The following PCDH9 variants were observed in gnomAD, a reference collection of about 807,000 sequenced individuals.
PCDH9 encodes the protein protocadherin 9.
Under a neutral mutation model 70.6 loss-of-function variants are expected in PCDH9, and 24 were observed. The ratio of observed to expected loss-of-function variants is 0.34; its 90% confidence interval spans 0.25 to 0.48. The LOEUF (loss-of-function observed/expected upper bound fraction) is 0.48. Among genes scored for constraint, PCDH9 ranks in the 20% least tolerant of loss-of-function variants. PCDH9 has a pLI of 0.99. For missense variants in PCDH9, 1,281 were observed against 1,503.6 expected, an observed-to-expected ratio of 0.85 and a Z score of 2.45; for synonymous variants, 562 against 558.5, an observed-to-expected ratio of 1.01 and a Z score of -0.09.
At position 66,469,041 on chromosome 13, in the gene PCDH9, G is replaced by A. The variant is rs547237935; in HGVS notation, c.3340+162169C>T. The stretch of plus-strand genomic sequence containing the variant: ...CACATGGGTGTGATTTTTCTAAGTT[G>A]TGTGTGTGTGGGACCTAATCAGAAT... On this transcript the variant is annotated intron_variant, in intron 4 of 4. Coordinates refer to ENST00000377865, the MANE Select transcript of PCDH9 (RefSeq NM_203487.3). Among the ~76,000 whole-genome samples, 6 of 152,128 alleles carry A rather than the reference G, an allele frequency of 3.9e-5. No individual in the cohort carries two copies. In the South Asian group the frequency reaches 1.0e-3, roughly 26 times the overall value.
intron 3 of PCDH9, among the ~76,000 whole-genome samples, chr13:66,726,991 C>A (rs955453992): frequency 4.6e-5 from 7 of 152,180 alleles, no homozygotes; most frequent in Non-Finnish European, 8.8e-5. Flanking sequence ...CAGGCAGTGG[C>A]TCATGCGCAT....
intron 2 of PCDH9, chr13:67,201,003 G>T (rs1326975217): frequency 3.9e-5 from 6 of 151,958 alleles, no homozygotes; most frequent in Non-Finnish European, 5.9e-5. Flanking sequence ...TCAACACAAA[G>T]TCTCAACACT....
intron 2 of PCDH9, among the ~76,000 whole-genome samples, chr13:67,095,245 C>T (rs900742742): frequency 1.3e-5 from 2 of 151,970 alleles, no homozygotes; most frequent in Non-Finnish European, 2.9e-5. Flanking sequence ...AGTATTTCAG[C>T]GTTTCCTAAC....
chr13:67,072,509 C>T (rs2085787416), intron 2 of PCDH9, among the ~76,000 whole-genome samples: 2 of 152,118 alleles, frequency 1.3e-5, no homozygotes, highest in South Asian at 4.1e-4. Context: ...TCATTAAATA[C>T]TTTGGTTAGA....
intron 2 of PCDH9, among the ~76,000 whole-genome samples, chr13:67,057,761 T>G (rs1012470613): frequency 6.6e-6 from 1 of 152,118 alleles, no homozygotes; most frequent in Admixed American, 6.6e-5. Flanking sequence ...ATACTTAGCT[T>G]TTAAATTTGC....
At chr13:66,368,028 A>G (rs965769967) in intron 4 of PCDH9, among the ~76,000 whole-genome samples, 1 of 152,164 alleles carries the variant, frequency 6.6e-6, no homozygotes, top group East Asian at 1.9e-4. Flanking sequence ...CACAAATTGA[A>G]CATTTAAGTG....
At chr13:66,938,923 T>C (rs115916145) in intron 2 of PCDH9, among the ~76,000 whole-genome samples, 4,469 of 152,272 alleles carry the variant, frequency 0.029, 209 homozygotes, top group African/African-American at 0.1. Flanking sequence ...GCATGGTTTA[T>C]ATTATGTAAT....
chr13:67,112,932 T>C (rs1248563365), intron 2 of PCDH9, among the ~76,000 whole-genome samples: 3 of 152,194 alleles, frequency 2.0e-5, no homozygotes, highest in South Asian at 4.1e-4. Context: ...AGTTTCTCCA[T>C]GTTACCCAGG....
intron 4 of PCDH9, among the ~76,000 whole-genome samples, chr13:66,560,481 T>C (rs1961961520): frequency 6.6e-6 from 1 of 152,136 alleles, no homozygotes; most frequent in Non-Finnish European, 1.5e-5. Context: ...ATGGCTTGAG[T>C]CCAGCATGTG....
intron 4 of PCDH9, among the ~76,000 whole-genome samples, chr13:66,619,630 T>C (rs1460359772): frequency 1.3e-5 from 2 of 152,170 alleles, no homozygotes; most frequent in African/African-American, 4.8e-5. Context: ...AAGCCTGCAT[T>C]ATATGCTAGC....
intron 2 of PCDH9, among the ~76,000 whole-genome samples, chr13:66,935,011 C>T (rs1417063224): frequency 5.3e-5 from 8 of 151,916 alleles, no homozygotes; most frequent in African/African-American, 1.9e-4. Context: ...TGAGCCACCG[C>T]GCCCGGCCGT....
intron 3 of PCDH9, among the ~76,000 whole-genome samples, chr13:66,871,194 C>T: frequency 6.8e-6 from 1 of 147,212 alleles, no homozygotes; most frequent in Admixed American, 6.9e-5. Flanking sequence ...ACAATGAGAT[C>T]ACATGGACAC....
At chr13:67,049,783 T>C (rs2085289024) in intron 2 of PCDH9, among the ~76,000 whole-genome samples, 1 of 152,198 alleles carries the variant, frequency 6.6e-6, no homozygotes, top group African/African-American at 2.4e-5. Context: ...AAAGAGTCTG[T>C]AGGAAAATAA....
intron 3 of PCDH9, among the ~76,000 whole-genome samples, chr13:66,818,192 T>C (rs140926693): frequency 7.8e-4 from 119 of 152,314 alleles, no homozygotes; most frequent in African/African-American, 2.7e-3. Context: ...ATAATTACGT[T>C]CCTTTCTCCT....
intron 3 of PCDH9, among the ~76,000 whole-genome samples, chr13:66,817,190 C>A (rs1015183633): frequency 6.6e-6 from 1 of 151,992 alleles, no homozygotes; most frequent in Non-Finnish European, 1.5e-5. Context: ...CCTTGAGAAT[C>A]CTCAGATTTT....
At chr13:66,911,963 A>C (rs1395924789) in intron 2 of PCDH9, among the ~76,000 whole-genome samples, 1 of 152,164 alleles carries the variant, frequency 6.6e-6, no homozygotes, top group Non-Finnish European at 1.5e-5. Flanking sequence ...TTTGCAGTTC[A>C]TTTCAATTTA....
intron 3 of PCDH9, among the ~76,000 whole-genome samples, chr13:66,707,069 T>G (rs2078721140): frequency 6.6e-6 from 1 of 152,166 alleles, no homozygotes; most frequent in Admixed American, 6.5e-5. Context: ...TTTAAAATTT[T>G]TTCTTTCAAC....
chr13:66,824,419 G>C (rs1404024840), intron 3 of PCDH9, among the ~76,000 whole-genome samples: 4 of 147,950 alleles, frequency 2.7e-5, no homozygotes, highest in African/African-American at 9.9e-5. Flanking sequence ...ACTTTGGGAG[G>C]CCAAGGCAGG....
In PCDH9 at chr13:66,378,708, G is replaced by T. The variant is rs1593882754; in HGVS notation, c.3341-73680C>A. Among the ~76,000 whole-genome samples, 3 of 152,164 alleles carry T rather than the reference G, an allele frequency of 2.0e-5. No homozygotes were observed. In the South Asian group the frequency reaches 6.2e-4, roughly 32 times the overall value. On this transcript the variant is annotated intron_variant, in intron 4 of 4. Coordinates refer to ENST00000377865, the MANE Select transcript of PCDH9 (RefSeq NM_203487.3). ...TTATTACATAGGAAAGATCTAGAAA[G>T]ACTAATTGTAGCTCTTAGAACTTAT... is the stretch of plus-strand genomic sequence containing the variant.
Sources: allele counts gnomAD v4.1 joint callset (sites outside exome capture counted in the v4.1 genomes callset), GRCh38; gene constraint gnomAD v4.1.1; transcripts MANE v1.5; gene names NCBI Gene and HGNC (gene_info 2026-07-23, HGNC 2026-07-21).